Variants in AXDND1 observed in about 807,000 individuals in gnomAD.
AXDND1 encodes the protein axonemal dynein light chain domain-containing protein 1.
In AXDND1, 110 loss-of-function variants were observed where a neutral mutation model predicts 137.5. The observed-to-expected ratio is 0.80, with a 90% confidence interval of 0.69 to 0.94. The LOEUF is 0.94. Ranked by LOEUF, AXDND1 falls within the 40% of genes least tolerant of loss-of-function variation. The pLI is 0.00. For missense variants in AXDND1, 1,191 were observed against 1,169.8 expected, an observed-to-expected ratio of 1.02 and a Z score of -0.26; for synonymous variants, 414 against 399.7, an observed-to-expected ratio of 1.04 and a Z score of -0.43.
intron 20 of AXDND1, among the ~76,000 whole-genome samples, chr1:179,503,940 C>T (rs1032930416): frequency 5.9e-5 from 9 of 152,108 alleles, no homozygotes; most frequent in African/African-American, 2.2e-4. Flanking sequence ...TTTCACATAG[C>T]TACTAATGTC....
chr1:179,460,895 GTTGT>G (rs1192667066), intron 16 of AXDND1, among the ~76,000 whole-genome samples: 31 of 152,242 alleles, frequency 2.0e-4, no homozygotes, highest in African/African-American at 7.2e-4. Flanking sequence ...TGTTGATGGG[GTTGT>G]TTGTTTTTTT....
At chr1:179,456,737 G>T (rs1376336043) in intron 16 of AXDND1, 5 of 784,824 alleles carry the variant, frequency 6.4e-6, no homozygotes, top group Non-Finnish European at 1.1e-5. Flanking sequence ...CACCACCAAA[G>T]TTTCCAGAAC....
chr1:179,385,157 T>TACATTATA, intron 8 of AXDND1, 81 bp from the exon 9 acceptor site: 1 of 1,177,458 alleles, frequency 8.5e-7, no homozygotes, highest in South Asian at 1.4e-5. Context: ...AAAACTTATT[T>TACATTATA]ACATTCAAGG....
intron 24 of AXDND1, 158 bp from the exon 25 acceptor site, chr1:179,534,572 C>A: frequency 1.2e-6 from 1 of 843,894 alleles, no homozygotes; most frequent in Non-Finnish European, 1.7e-6. Context: ...CGCTCCTGGG[C>A]CCCCAGTTCT....
intron 23 of AXDND1, among the ~76,000 whole-genome samples, chr1:179,533,424 A>G (rs889061439): frequency 6.6e-6 from 1 of 152,200 alleles, no homozygotes; most frequent in African/African-American, 2.4e-5. Flanking sequence ...CAGATATACA[A>G]GTTAGCTTCC....
chr1:179,381,033 CTTTT>C (rs750948760), intron 6 of AXDND1, among the ~76,000 whole-genome samples: 2 of 96,486 alleles, frequency 2.1e-5, no homozygotes, highest in Admixed American at 1.2e-4. Context: ...CTTTTGGTGA[CTTTT>C]TTTTTTTTTT....
chr1:179,406,306 G>A (rs1400957750), intron 11 of AXDND1, among the ~76,000 whole-genome samples: 1 of 152,194 alleles, frequency 6.6e-6, no homozygotes, highest in Non-Finnish European at 1.5e-5. Context: ...TGTTCCATGT[G>A]CTGATGAGAA....
intron 6 of AXDND1, among the ~76,000 whole-genome samples, chr1:179,382,135 G>A (rs1648459476): frequency 1.3e-5 from 2 of 151,380 alleles, no homozygotes; most frequent in South Asian, 4.2e-4. Flanking sequence ...GTGGAGTGCA[G>A]TGGCACGATC....
intron 4 of AXDND1, among the ~76,000 whole-genome samples, chr1:179,377,894 C>G (rs1001911599): frequency 6.6e-6 from 1 of 152,048 alleles, no homozygotes; most frequent in East Asian, 1.9e-4. Flanking sequence ...TGACAGCGGC[C>G]GGGCATGGTG....
chr1:179,491,413 C>T (rs2125579260), intron 18 of AXDND1, 125 bp from the exon 19 acceptor site: 1 of 657,972 alleles, frequency 1.5e-6, no homozygotes, highest in East Asian at 2.9e-5. Context: ...GACTTGATTT[C>T]ATTAAGAATT....
intron 11 of AXDND1, among the ~76,000 whole-genome samples, chr1:179,401,215 G>A (rs1197281682): frequency 2.3e-5 from 3 of 132,632 alleles, no homozygotes; most frequent in Middle Eastern, 0.011. Context: ...CTGAGGTTGT[G>A]CCATTGTGCT....
At chr1:179,541,486 T>TG (rs1303938315) in intron 25 of AXDND1, among the ~76,000 whole-genome samples, 2 of 151,780 alleles carry the variant, frequency 1.3e-5, no homozygotes, top group African/African-American at 2.4e-5. Flanking sequence ...TTTGTTTTTT[T>TG]TTTTTTTTTA....
Position 179,492,969 on chromosome 1 carries a change from C to T in AXDND1, c.2388+18C>T. On this transcript the variant is annotated intron_variant, in intron 20 of 25. Coordinates refer to ENST00000367618, the MANE Select transcript of AXDND1 (RefSeq NM_144696.6). ...AGTTGAAGGTAATAACTCTGTCTTCCCCTTAGTTTTGTTTTTGTTTTGTTT... is the reference window on the plus strand; with the variant it reads ...AGTTGAAGGTAATAACTCTGTCTTCTCCTTAGTTTTGTTTTTGTTTTGTTT... The T allele has an allele frequency of 6.6e-7, 1 of 1,521,046 alleles. No homozygotes were observed. Among genetic ancestry groups the T allele is most frequent in the South Asian group, 1.2e-5 (1 of 82,172 alleles). 94.2% of individuals were successfully genotyped at this position (1,521,046 alleles called of 1,614,324 possible).
At position 179,528,426 on chromosome 1, in the gene AXDND1, T is replaced by G. The variant is rs1472080148; in HGVS notation, c.2710T>G (p.Ser904Ala). 3 of 1,608,526 alleles carry G rather than the reference T, an allele frequency of 1.9e-6. No individual in the cohort carries two copies. Among genetic ancestry groups the G allele is most frequent in the East Asian group, 2.2e-5 (1 of 44,856 alleles). Reference protein sequence around the residue: ...KPLFETDVLSSWRESAKQGTL... With the variant: ...KPLFETDVLSAWRESAKQGTL... ...TCTATTTGAAACAGATGTGTTGTCT[T>G]CCTGGGTATGTATCTGAAACCCAGC... The change falls in exon 23 of 26, where the codon TCC becomes GCC. Residue 904 changes from serine to alanine, a missense_variant. Physicochemically the swap from Ser to Ala is moderately conservative, Grantham distance 99. Coordinates refer to ENST00000367618, the MANE Select transcript of AXDND1 (RefSeq NM_144696.6).
chr1:179,379,485 G>GAGTA lies in AXDND1; in HGVS notation c.581+4_581+7dup. ...TCAGGTTTGGAGTGTTATGATGAGT[G>GAGTA]AGTACTATGATATGTAAAAAATACC... is the stretch of plus-strand genomic sequence containing the variant. On this transcript the variant is annotated splice_donor_region_variant and intron_variant, in intron 6 of 25. Coordinates refer to ENST00000367618, the MANE Select transcript of AXDND1 (RefSeq NM_144696.6). The GAGTA allele has an allele frequency of 2.5e-6, 4 of 1,611,518 alleles. No homozygotes were observed. The highest frequency in any genetic ancestry group is 3.4e-6 in the Non-Finnish European group (4 of 1,179,124).
chr1:179,527,825 C>A (rs1300798936), intron 22 of AXDND1, among the ~76,000 whole-genome samples: 1 of 152,088 alleles, frequency 6.6e-6, no homozygotes, highest in Admixed American at 6.6e-5. Flanking sequence ...GGTAACAAAA[C>A]CATTACTACT....
At chr1:179,424,165 C>A (rs1656210084) in intron 12 of AXDND1, among the ~76,000 whole-genome samples, 1 of 152,004 alleles carries the variant, frequency 6.6e-6, no homozygotes, top group Non-Finnish European at 1.5e-5. Context: ...TTTCTTACAG[C>A]ACTTTGAAAA....
intron 2 of AXDND1, among the ~76,000 whole-genome samples, chr1:179,367,419 G>T (rs1445252502): frequency 6.6e-6 from 1 of 152,196 alleles, no homozygotes; most frequent in East Asian, 1.9e-4. Flanking sequence ...GGAGGCTGAG[G>T]CAGGAGAATC....
chr1:179,474,415 A>G (rs11806915), intron 17 of AXDND1, among the ~76,000 whole-genome samples: 14,080 of 152,158 alleles, frequency 0.093, 919 homozygotes, highest in African/African-American at 0.17. Flanking sequence ...AAGATGTGGG[A>G]AAGTTTGGAA....
Sources: gnomAD v4.1 joint callset for allele counts (sites outside exome capture counted in the v4.1 genomes callset) on GRCh38, gnomAD v4.1.1 for gene constraint, MANE v1.5 for transcripts, NCBI Gene and HGNC (gene_info 2026-07-23, HGNC 2026-07-21) for gene names.